The following SOX6 variants were observed in gnomAD, a reference collection of about 807,000 sequenced individuals.
The protein encoded by SOX6 is transcription factor SOX-6.
A neutral mutation model predicts 97.8 loss-of-function variants in SOX6; 11 were observed. That is an observed-to-expected ratio of 0.11 (90% CI 0.07 to 0.19). SOX6 has a LOEUF of 0.19. SOX6 is among the 10% of genes least tolerant of loss of function. The pLI, the probability that SOX6 is intolerant of heterozygous loss-of-function variation, is 1.00. For synonymous variants in SOX6, 360 were observed against 371.4 expected (o/e 0.97, Z 0.35); for missense variants, 810 against 1,039.5 (o/e 0.78, Z 3.04).
intron 4 of SOX6, among the ~76,000 whole-genome samples, chr11:16,569,545 T>C (rs1161815410): frequency 1.3e-5 from 2 of 152,132 alleles, no homozygotes; most frequent in African/African-American, 4.8e-5. Context: ...TCCCTTTAAC[T>C]GAATAGTTTC....
At chr11:16,091,692 A>G (rs1284048330) in intron 9 of SOX6, among the ~76,000 whole-genome samples, 1 of 152,066 alleles carries the variant, frequency 6.6e-6, no homozygotes, top group African/African-American at 2.4e-5. Context: ...TTCATTTAAG[A>G]ATAACGTATG....
intron 13 of SOX6, among the ~76,000 whole-genome samples, chr11:15,999,149 T>C (rs1413889058): frequency 6.6e-6 from 1 of 152,058 alleles, no homozygotes; most frequent in African/African-American, 2.4e-5. Flanking sequence ...GATGAAAAGG[T>C]ATTCCCTATT....
intron 4 of SOX6, among the ~76,000 whole-genome samples, chr11:16,214,027 T>C (rs531476191): frequency 1.7e-4 from 26 of 152,332 alleles, no homozygotes; most frequent in African/African-American, 6.0e-4. Flanking sequence ...TAGAGCTTTC[T>C]TATGATAATG....
chr11:16,324,782 C>T (rs932820505), intron 2 of SOX6, among the ~76,000 whole-genome samples: 1 of 151,996 alleles, frequency 6.6e-6, no homozygotes, highest in Non-Finnish European at 1.5e-5. Context: ...CTGTTATTTG[C>T]AACAACATGG....
chr11:16,053,701 G>A (rs565957317), intron 10 of SOX6, among the ~76,000 whole-genome samples: 1 of 152,024 alleles, frequency 6.6e-6, no homozygotes, highest in South Asian at 2.1e-4. Context: ...GTTTTAGGGG[G>A]AAAAGGTACA....
At chr11:16,534,536 G>A (rs1861279372) in intron 4 of SOX6, among the ~76,000 whole-genome samples, 1 of 151,966 alleles carries the variant, frequency 6.6e-6, no homozygotes, top group African/African-American at 2.4e-5. Context: ...CACACAAATG[G>A]ATTTAGTTTC....
intron 4 of SOX6, among the ~76,000 whole-genome samples, chr11:16,220,867 A>G (rs1006153981): frequency 8.6e-5 from 13 of 151,954 alleles, no homozygotes; most frequent in Admixed American, 5.3e-4. Flanking sequence ...CATGTGATCA[A>G]CTCCACAGTT....
At chr11:15,973,911 A>T (rs1373806308) in intron 15 of SOX6, among the ~76,000 whole-genome samples, 1 of 152,204 alleles carries the variant, frequency 6.6e-6, no homozygotes, top group Non-Finnish European at 1.5e-5. Context: ...AACTTAACAG[A>T]TCCTTTGTGG....
chr11:16,172,807 A>T (rs1268694599), intron 6 of SOX6, among the ~76,000 whole-genome samples: 1 of 151,958 alleles, frequency 6.6e-6, no homozygotes, highest in African/African-American at 2.4e-5. Flanking sequence ...TTGCTAGCAG[A>T]ACAAAGACTA....
chr11:16,108,641 T>G (rs1316321291), intron 7 of SOX6, among the ~76,000 whole-genome samples: 1 of 152,202 alleles, frequency 6.6e-6, no homozygotes, highest in Non-Finnish European at 1.5e-5. Flanking sequence ...CTGTAAAACA[T>G]TTTTAAAAAT....
chr11:16,595,594 C>T (rs1330720738), intron 4 of SOX6, among the ~76,000 whole-genome samples: 11 of 131,248 alleles, frequency 8.4e-5, no homozygotes, highest in African/African-American at 2.9e-4. Flanking sequence ...AACAAGATAC[C>T]ACCTCTACCA....
intron 6 of SOX6, among the ~76,000 whole-genome samples, chr11:16,123,976 A>C (rs748052122): frequency 1.3e-5 from 2 of 152,048 alleles, no homozygotes; most frequent in Non-Finnish European, 2.9e-5. Context: ...TGCTTTCAAT[A>C]GTTTCTAAGT....
intron 7 of SOX6, among the ~76,000 whole-genome samples, chr11:16,102,368 G>T (rs919597001): frequency 2.0e-5 from 3 of 151,944 alleles, no homozygotes; most frequent in African/African-American, 7.2e-5. Flanking sequence ...ACTGCTGAAA[G>T]AAATCATAGA....
intron 3 of SOX6, among the ~76,000 whole-genome samples, chr11:16,660,232 TA>T (rs552278844): frequency 2.6e-5 from 4 of 152,180 alleles, no homozygotes; most frequent in Non-Finnish European, 5.9e-5. Context: ...CTTTCTTTTT[TA>T]ATATATGCAT....
intron 6 of SOX6, among the ~76,000 whole-genome samples, chr11:16,152,740 T>C (rs923223992): frequency 6.6e-6 from 1 of 151,176 alleles, no homozygotes; most frequent in Non-Finnish European, 1.5e-5. Flanking sequence ...CTCAAAGATA[T>C]CAGAAATGAT....
intron 1 of SOX6, among the ~76,000 whole-genome samples, chr11:16,423,410 G>A (rs1859059485): frequency 6.6e-6 from 1 of 152,156 alleles, no homozygotes. Context: ...TGCAAATGAT[G>A]AGAAAATAAG....
At chr11:16,157,410 G>GGA (rs140993952) in intron 6 of SOX6, among the ~76,000 whole-genome samples, 1 of 152,010 alleles carries the variant, frequency 6.6e-6, no homozygotes, top group East Asian at 1.9e-4. Context: ...CATCTAGTAA[G>GGA]TATATCTACC....
rs114821255 is a variant in SOX6, at chr11:16,116,996, C to T, written c.778-5073G>A. Among the ~76,000 whole-genome samples the T allele has an allele frequency of 7.4e-3, 1,128 of 152,262 alleles. 14 individuals are homozygous for T. The highest frequency in any genetic ancestry group is 0.026 in the African/African-American group (1,087 of 41,552). On this transcript the variant is annotated intron_variant, in intron 6 of 15. Coordinates refer to ENST00000683767, the MANE Select transcript of SOX6 (RefSeq NM_001367873.1). ...AAACTGTCTTCCATAAAACTGGTAC[C>T]TGGTGCCAAAAAGGTTGGGGATGGC...
chr11:16,507,664 A>G (rs1565166426), intron 4 of SOX6, among the ~76,000 whole-genome samples: 1 of 152,216 alleles, frequency 6.6e-6, no homozygotes, highest in Non-Finnish European at 1.5e-5. Context: ...TACATTGGGG[A>G]AAAGACACCC....
Sources: gnomAD v4.1 joint callset for allele counts (sites outside exome capture counted in the v4.1 genomes callset) on GRCh38, gnomAD v4.1.1 for gene constraint, MANE v1.5 for transcripts, NCBI Gene and HGNC (gene_info 2026-07-23, HGNC 2026-07-21) for gene names.